Variants in MSRA observed in about 807,000 individuals in gnomAD.
MSRA encodes methionine sulfoxide reductase A, also known as mitochondrial peptide methionine sulfoxide reductase.
A neutral mutation model predicts 31.3 loss-of-function variants in MSRA; 54 were observed. That is an observed-to-expected ratio of 1.73 (90% CI 1.39 to 2.17). MSRA has a LOEUF of 2.17. MSRA is among the 30% of genes most tolerant of loss of function. The pLI is 0.00. For missense variants in MSRA, 507 were observed against 300.9 expected (o/e 1.69, Z -5.07); for synonymous variants, 169 against 116.5 (o/e 1.45, Z -2.90).
At chr8:10,186,755 A>T (rs1428283267) in intron 1 of MSRA, among the ~76,000 whole-genome samples, 2 of 152,196 alleles carry the variant, frequency 1.3e-5, no homozygotes, top group African/African-American at 4.8e-5. Flanking sequence ...GGTCACACCA[A>T]GCAGATAGCT....
At chr8:10,067,767 T>A (rs1797532940) in intron 1 of MSRA, among the ~76,000 whole-genome samples, 1 of 152,178 alleles carries the variant, frequency 6.6e-6, no homozygotes, top group South Asian at 2.1e-4. Flanking sequence ...AAATGATATA[T>A]GCTGATGAAG....
At chr8:10,148,896 A>G (rs962052575) in intron 1 of MSRA, among the ~76,000 whole-genome samples, 72 of 151,006 alleles carry the variant, frequency 4.8e-4, no homozygotes, top group Non-Finnish European at 6.5e-4. Flanking sequence ...AGAAGGTAGG[A>G]CAACTCCGAT....
chr8:10,405,062 T>C (rs1807717597), intron 5 of MSRA, among the ~76,000 whole-genome samples: 1 of 152,138 alleles, frequency 6.6e-6, no homozygotes, highest in South Asian at 2.1e-4. Flanking sequence ...CTGGTGGATG[T>C]CGGACAGGAG....
chr8:10,260,104 A>G (rs759863973), intron 3 of MSRA, among the ~76,000 whole-genome samples: 2 of 152,234 alleles, frequency 1.3e-5, no homozygotes, highest in African/African-American at 2.4e-5. Flanking sequence ...GACAAAATTG[A>G]TGCACAATAA....
chr8:10,305,947 A>T (rs1056169668), intron 4 of MSRA, among the ~76,000 whole-genome samples: 3 of 152,230 alleles, frequency 2.0e-5, no homozygotes, highest in Non-Finnish European at 4.4e-5. Context: ...ACCAATTACC[A>T]CAGAACCTCT....
chr8:10,154,156 C>G (rs1803949738), intron 1 of MSRA, among the ~76,000 whole-genome samples: 1 of 152,164 alleles, frequency 6.6e-6, no homozygotes, highest in Admixed American at 6.5e-5. Context: ...AAGGCCTGAT[C>G]TTGTTGAGGG....
intron 2 of MSRA, among the ~76,000 whole-genome samples, chr8:10,212,453 C>T (rs1016240899): frequency 4.6e-5 from 7 of 152,002 alleles, no homozygotes; most frequent in Admixed American, 2.6e-4. Flanking sequence ...ACAAAGTGAA[C>T]AAATGGAAAA....
intron 1 of MSRA, among the ~76,000 whole-genome samples, chr8:10,159,691 C>T (rs1046633899): frequency 6.6e-6 from 1 of 152,142 alleles, no homozygotes; most frequent in Non-Finnish European, 1.5e-5. Flanking sequence ...GGGGTTGCCT[C>T]TTGTAAGGCA....
intron 5 of MSRA, among the ~76,000 whole-genome samples, chr8:10,321,869 G>C (rs759746640): frequency 1.3e-5 from 2 of 152,196 alleles, no homozygotes; most frequent in Non-Finnish European, 2.9e-5. Context: ...ACAGCGTCAT[G>C]AAGGACTTCA....
chr8:10,224,739 A>G (rs1301303480), intron 2 of MSRA, among the ~76,000 whole-genome samples: 2 of 152,226 alleles, frequency 1.3e-5, no homozygotes, highest in Non-Finnish European at 2.9e-5. Context: ...CTGTGATCAT[A>G]TCATTCCTTT....
chr8:10,244,669 T>G (rs1309360917), intron 2 of MSRA, among the ~76,000 whole-genome samples: 1 of 152,214 alleles, frequency 6.6e-6, no homozygotes, highest in African/African-American at 2.4e-5. Context: ...TTTGGAAGTT[T>G]TCACATTAAA....
chr8:10,221,345 G>A (rs2129067638), intron 2 of MSRA, among the ~76,000 whole-genome samples: 1 of 152,052 alleles, frequency 6.6e-6, no homozygotes, highest in African/African-American at 2.4e-5. Flanking sequence ...ACCTTGCAAT[G>A]AAGAGGCTGT....
At chr8:10,151,713 G>A (rs768289042) in intron 1 of MSRA, among the ~76,000 whole-genome samples, 2 of 152,154 alleles carry the variant, frequency 1.3e-5, no homozygotes, top group Admixed American at 6.6e-5. Context: ...CTTGGGTTGG[G>A]TCAAGGCACA....
At position 10,251,123 on chromosome 8, in the gene MSRA, C is replaced by T. The variant is rs75802922; in HGVS notation, c.331+5900C>T. Among the ~76,000 whole-genome samples the T allele has an allele frequency of 3.9e-3, 588 of 151,994 alleles. 3 individuals carry two copies. Among genetic ancestry groups the T allele is most frequent in the African/African-American group, 0.013 (540 of 41,466 alleles). ...GTCATGTCACCCCCTTTTCCAAATG[C>T]GTGTGATTTTTTTCCTTGATGCTTG... On this transcript the variant is annotated intron_variant, in intron 3 of 5. Coordinates refer to ENST00000317173, the MANE Select transcript of MSRA (RefSeq NM_012331.5).
intron 5 of MSRA, among the ~76,000 whole-genome samples, chr8:10,380,189 C>A (rs1766424717): frequency 6.6e-6 from 1 of 152,200 alleles, no homozygotes; most frequent in South Asian, 2.1e-4. Flanking sequence ...GTTTCGTCTG[C>A]CTTTTCATGT....
At chr8:10,340,451 C>T (rs1803354305) in intron 5 of MSRA, among the ~76,000 whole-genome samples, 1 of 152,234 alleles carries the variant, frequency 6.6e-6, no homozygotes, top group African/African-American at 2.4e-5. Flanking sequence ...TGGCTCACTG[C>T]AACCTTCGCC....
intron 5 of MSRA, among the ~76,000 whole-genome samples, chr8:10,393,013 G>C (rs1275644245): frequency 7.5e-6 from 1 of 133,944 alleles, no homozygotes; most frequent in Non-Finnish European, 1.5e-5. Context: ...AGTGAGCCGA[G>C]ATAGCGCCGC....
At chr8:10,231,678 A>G (rs2952252) in intron 2 of MSRA, among the ~76,000 whole-genome samples, 61,512 of 152,080 alleles carry the variant, frequency 0.4, 12,929 homozygotes, top group Non-Finnish European at 0.48. Context: ...TGAGGTGGGC[A>G]GATTACCTGA....
At chr8:10,357,103 G>A (rs1411259726) in intron 5 of MSRA, among the ~76,000 whole-genome samples, 3 of 152,112 alleles carry the variant, frequency 2.0e-5, no homozygotes, top group African/African-American at 7.2e-5. Flanking sequence ...CTTTAACAAA[G>A]TAGTGATGCT....
Sources: allele counts gnomAD v4.1 joint callset (sites outside exome capture counted in the v4.1 genomes callset), GRCh38; gene constraint gnomAD v4.1.1; transcripts MANE v1.5; gene names NCBI Gene and HGNC (gene_info 2026-07-23, HGNC 2026-07-21).